CSMD1: variants seen among roughly 807,000 people sequenced by gnomAD.
The protein encoded by CSMD1 is CUB and Sushi multiple domains 1.
Under a neutral mutation model 417.5 loss-of-function variants are expected in CSMD1, and 213 were observed. That is an observed-to-expected ratio of 0.51 (90% CI 0.46 to 0.57). The LOEUF is 0.57. CSMD1 is among the 20% of genes least tolerant of loss of function. The probability of loss-of-function intolerance (pLI) is 0.00; values close to 1 mark genes in which losing one functional copy is unlikely to be tolerated. For missense variants in CSMD1, 6,923 were observed against 4,529.7 expected (o/e 1.53, Z -15.17); for synonymous variants, 2,862 against 1,736.8 (o/e 1.65, Z -16.11).
chr8:3,250,229 C>T (rs1428381650), intron 26 of CSMD1, among the ~76,000 whole-genome samples: 2 of 152,110 alleles, frequency 1.3e-5, no homozygotes, highest in Non-Finnish European at 2.9e-5. Flanking sequence ...CCACAACAGG[C>T]CCCAGTGTGT....
In CSMD1 at chr8:3,177,751, G is replaced by C. The variant is rs186287042; in HGVS notation, c.5725+3359C>G. Among the ~76,000 whole-genome samples, 21 of 152,228 alleles carry C rather than the reference G, an allele frequency of 1.4e-4. 1 individual carries two copies. The South Asian group carries it at 2.3e-3, about 17-fold the overall frequency. ...CCAGCTTCCACCAGATCAATACTGA[G>C]TTCAATAACAGTCACTGCCACCTTG... is the stretch of plus-strand genomic sequence containing the variant. On this transcript the variant is annotated intron_variant, in intron 37 of 69. Coordinates refer to ENST00000635120, the MANE Select transcript of CSMD1 (RefSeq NM_033225.6).
At chr8:4,132,567 G>C (rs1041735904) in intron 3 of CSMD1, among the ~76,000 whole-genome samples, 3 of 152,132 alleles carry the variant, frequency 2.0e-5, no homozygotes, top group Non-Finnish European at 4.4e-5. Context: ...AAGGCCCTTT[G>C]TGCTATAGCA....
intron 1 of CSMD1, among the ~76,000 whole-genome samples, chr8:4,756,038 T>C (rs1231933951): frequency 6.6e-6 from 1 of 152,234 alleles, no homozygotes; most frequent in Non-Finnish European, 1.5e-5. Flanking sequence ...AGTTCACAAA[T>C]ACAAATGCTA....
chr8:4,088,100 A>G (rs1461102458), intron 3 of CSMD1, among the ~76,000 whole-genome samples: 1 of 152,214 alleles, frequency 6.6e-6, no homozygotes, highest in East Asian at 1.9e-4. Flanking sequence ...CAAAAGGAGA[A>G]AGAGGAAGGA....
chr8:4,934,681 C>T (rs1807479021), intron 1 of CSMD1, among the ~76,000 whole-genome samples: 1 of 152,020 alleles, frequency 6.6e-6, no homozygotes, highest in African/African-American at 2.4e-5. Flanking sequence ...ATCTATGATC[C>T]ATCTACTTAT....
At chr8:3,450,603 T>C (rs1257090293) in intron 12 of CSMD1, among the ~76,000 whole-genome samples, 1 of 151,932 alleles carries the variant, frequency 6.6e-6, no homozygotes, top group Non-Finnish European at 1.5e-5. Flanking sequence ...CTGAGAATCA[T>C]GGTTTCCAGC....
chr8:4,134,656 G>C (rs1256556426), intron 3 of CSMD1, among the ~76,000 whole-genome samples: 3 of 152,188 alleles, frequency 2.0e-5, no homozygotes, highest in East Asian at 3.9e-4. Context: ...AATATATCTA[G>C]AATCATTCAA....
intron 10 of CSMD1, among the ~76,000 whole-genome samples, chr8:3,534,344 C>T (rs1031606873): frequency 4.6e-5 from 7 of 152,066 alleles, no homozygotes; most frequent in Admixed American, 4.6e-4. Flanking sequence ...TTTCCACACT[C>T]CTCTCAGTTC....
chr8:4,470,414 T>G (rs912557136), intron 2 of CSMD1, among the ~76,000 whole-genome samples: 11 of 152,224 alleles, frequency 7.2e-5, no homozygotes, highest in Admixed American at 2.0e-4. Context: ...ACCTGACAAT[T>G]TCTTCACAGA....
intron 54 of CSMD1, among the ~76,000 whole-genome samples, chr8:2,986,705 T>A (rs1359802577): frequency 6.6e-6 from 1 of 151,910 alleles, no homozygotes; most frequent in Non-Finnish European, 1.5e-5. Flanking sequence ...GGGTTTTCAC[T>A]CTGTTAGCCA....
chr8:4,201,267 A>G (rs894568890), intron 3 of CSMD1, among the ~76,000 whole-genome samples: 7 of 152,178 alleles, frequency 4.6e-5, no homozygotes, highest in Admixed American at 6.5e-5. Flanking sequence ...GGCCGGGCGC[A>G]GTGGCTCACG....
chr8:4,960,625 A>G (rs934570247), intron 1 of CSMD1, among the ~76,000 whole-genome samples: 1 of 152,164 alleles, frequency 6.6e-6, no homozygotes, highest in Non-Finnish European at 1.5e-5. Context: ...GGGTGCATGC[A>G]TCCATACATC....
intron 25 of CSMD1, among the ~76,000 whole-genome samples, chr8:3,289,867 T>A (rs1248909014): frequency 6.8e-6 from 1 of 147,676 alleles, no homozygotes; most frequent in Non-Finnish European, 1.5e-5. Flanking sequence ...TTTGTTGCCA[T>A]TGCTTTTGGC....
intron 1 of CSMD1, among the ~76,000 whole-genome samples, chr8:4,918,402 G>A (rs541312731): frequency 6.6e-6 from 1 of 152,250 alleles, no homozygotes; most frequent in South Asian, 2.1e-4. Context: ...CCTTTCTGCC[G>A]ATTCTTGCAC....
rs574457891 is a variant in CSMD1 at position 4,803,855 on chromosome 8, A to AT, written c.86-166298dup. On this transcript the variant is annotated intron_variant, in intron 1 of 69. Coordinates refer to ENST00000635120, the MANE Select transcript of CSMD1 (RefSeq NM_033225.6). ...CACAGTAATTATGTGTGTGTTACAT[A>AT]TTTTTTGTAAGAATTTAATGAGAGC... 2.6e-5 allele frequency among the ~76,000 whole-genome samples: 4 copies of AT among 152,282 alleles called. No individual in the cohort carries two copies. The East Asian group carries it at 5.8e-4, about 22-fold the overall frequency.
chr8:3,853,505 C>G (rs150960547), intron 5 of CSMD1, among the ~76,000 whole-genome samples: 377 of 152,246 alleles, frequency 2.5e-3, no homozygotes, highest in South Asian at 0.012. Flanking sequence ...ACTTCTCAAG[C>G]ATCAATATGA....
chr8:4,334,984 G>C (rs902306437), intron 3 of CSMD1, among the ~76,000 whole-genome samples: 3 of 152,080 alleles, frequency 2.0e-5, no homozygotes, highest in Non-Finnish European at 2.9e-5. Context: ...CTCCAGGCTT[G>C]TCTTTAAGCT....
At chr8:4,201,035 G>A (rs527619402) in intron 3 of CSMD1, among the ~76,000 whole-genome samples, 4 of 152,234 alleles carry the variant, frequency 2.6e-5, no homozygotes, top group Non-Finnish European at 4.4e-5. Context: ...AGATACTACA[G>A]AGACGAATTC....
At chr8:4,397,920 C>A (rs779559494) in intron 3 of CSMD1, among the ~76,000 whole-genome samples, 1 of 152,086 alleles carries the variant, frequency 6.6e-6, no homozygotes, top group Non-Finnish European at 1.5e-5. Flanking sequence ...TAAGCTTGTT[C>A]TTTAAAACAT....
Sources: gnomAD v4.1 joint callset for allele counts (sites outside exome capture counted in the v4.1 genomes callset) on GRCh38, gnomAD v4.1.1 for gene constraint, MANE v1.5 for transcripts, NCBI Gene and HGNC (gene_info 2026-07-23, HGNC 2026-07-21) for gene names.